Variants in MARCHF11 observed in about 807,000 individuals in gnomAD.
MARCHF11 encodes E3 ubiquitin-protein ligase MARCHF11.
Under a neutral mutation model 37.3 loss-of-function variants are expected in MARCHF11, and 29 were observed. The ratio of observed to expected loss-of-function variants is 0.78; its 90% CI spans 0.58 to 1.06. MARCHF11 has a LOEUF of 1.06. MARCHF11 is among the 50% of genes least tolerant of loss of function. The pLI, the probability that MARCHF11 is intolerant of heterozygous loss-of-function variation, is 0.00. For synonymous variants in MARCHF11, 233 were observed against 228.0 expected, an observed-to-expected ratio of 1.02 and a Z score of -0.20; for missense variants, 482 against 533.4, an observed-to-expected ratio of 0.90 and a Z score of 0.95.
At position 16,165,629 on chromosome 5, in the gene MARCHF11, C is replaced by T. The variant is rs151007814; in HGVS notation, c.693+12097G>A. Among the ~76,000 whole-genome samples the T allele has an allele frequency of 1.7e-3, 261 of 152,094 alleles. 3 individuals are homozygous for T. The highest frequency in any genetic ancestry group is 0.014 in the South Asian group (67 of 4,816). On this transcript the variant is annotated intron_variant, in intron 2 of 3. Coordinates refer to ENST00000332432, the MANE Select transcript of MARCHF11 (RefSeq NM_001102562.3). Reference sequence around the variant, plus strand: ...TTGGTTTTGTCTGATGTTTTTCTCACGGTTAGACTATAGTTACGGGTTTTA... The same window carrying T: ...TTGGTTTTGTCTGATGTTTTTCTCATGGTTAGACTATAGTTACGGGTTTTA...
chr5:16,174,129 T>C (rs536826999), intron 2 of MARCHF11, among the ~76,000 whole-genome samples: 2 of 152,248 alleles, frequency 1.3e-5, no homozygotes, highest in Non-Finnish European at 2.9e-5. Flanking sequence ...GCTTAATTAA[T>C]GTATAATGCT....
chr5:16,102,831 A>C (rs1736980726), intron 2 of MARCHF11, among the ~76,000 whole-genome samples: 1 of 152,172 alleles, frequency 6.6e-6, no homozygotes, highest in Non-Finnish European at 1.5e-5. Context: ...CAGGACCCAA[A>C]GGCACTTGCC....
chr5:16,177,907 A>C (rs528346720), intron 1 of MARCHF11, 26 bp from the exon 2 acceptor site: 1 of 1,584,036 alleles, frequency 6.3e-7, no homozygotes, highest in Non-Finnish European at 8.6e-7. Flanking sequence ...CTCAGTGTGA[A>C]TATCTGTGTC....
intron 2 of MARCHF11, among the ~76,000 whole-genome samples, chr5:16,131,600 A>G (rs1305322554): frequency 6.6e-6 from 1 of 152,080 alleles, no homozygotes; most frequent in Non-Finnish European, 1.5e-5. Flanking sequence ...TGGGTATGAG[A>G]CCTGTCTTTC....
At chr5:16,098,336 A>G (rs918488527) in intron 2 of MARCHF11, among the ~76,000 whole-genome samples, 9 of 152,352 alleles carry the variant, frequency 5.9e-5, no homozygotes, top group Admixed American at 1.3e-4. Context: ...ACAAAAAGAG[A>G]AAAGTATAAA....
chr5:16,129,053 G>A (rs1298422741), intron 2 of MARCHF11: 1 of 152,128 alleles, frequency 6.6e-6, no homozygotes, highest in Admixed American at 6.6e-5. Context: ...CCCTTGATTA[G>A]TGAGGGTTGG....
At chr5:16,143,233 C>T (rs1737747333) in intron 2 of MARCHF11, among the ~76,000 whole-genome samples, 4 of 152,208 alleles carry the variant, frequency 2.6e-5, no homozygotes, top group Non-Finnish European at 5.9e-5. Flanking sequence ...AAAATAGCCT[C>T]GTATAGAGTC....
intron 2 of MARCHF11, among the ~76,000 whole-genome samples, chr5:16,135,008 A>T (rs1579403258): frequency 2.0e-5 from 3 of 149,942 alleles, no homozygotes; most frequent in African/African-American, 7.6e-5. Flanking sequence ...TCACACACAC[A>T]CACACACACA....
chr5:16,132,507 G>A (rs958698496), intron 2 of MARCHF11, among the ~76,000 whole-genome samples: 5 of 152,182 alleles, frequency 3.3e-5, no homozygotes, highest in Admixed American at 6.5e-5. Flanking sequence ...CGGACCTCTA[G>A]TTGTTGAAAG....
In MARCHF11 at chr5:16,179,460, G is replaced by C. The variant is rs993163799; in HGVS notation, c.116C>G (p.Pro39Arg). 1.3e-5 allele frequency: 15 copies of C among 1,122,950 alleles called. No homozygotes were observed. Among genetic ancestry groups the C allele is most frequent in the African/African-American group, 1.2e-4 (7 of 60,226 alleles). The allele number at this position is 1,122,950 out of a possible 1,614,324, so 69.6% of individuals were successfully genotyped here. ...PPPPTPPPGE[P>R]APVPAAPRYL... Reference sequence around the variant, plus strand: ...GCGCGGGGCCGCGGGGACCGGGGCCGGCTCTCCCGGCGGCGGCGTCGGCGG... The same window carrying C: ...GCGCGGGGCCGCGGGGACCGGGGCCCGCTCTCCCGGCGGCGGCGTCGGCGG... Residue 39 changes from proline to arginine, a missense_variant, in exon 1 of 4, where the codon CCG (proline) becomes CGG (arginine). Coordinates refer to ENST00000332432, the MANE Select transcript of MARCHF11 (RefSeq NM_001102562.3).
chr5:16,128,168 T>C (rs1373145725), intron 2 of MARCHF11, among the ~76,000 whole-genome samples: 1 of 152,110 alleles, frequency 6.6e-6, no homozygotes, highest in Non-Finnish European at 1.5e-5. Context: ...TGTATTTTTA[T>C]TGAAATTTCA....
intron 2 of MARCHF11, among the ~76,000 whole-genome samples, chr5:16,145,625 G>A (rs911943119): frequency 6.6e-6 from 1 of 152,106 alleles, no homozygotes; most frequent in African/African-American, 2.4e-5. Context: ...ATATATGTAT[G>A]CTATATAATA....
intron 2 of MARCHF11, among the ~76,000 whole-genome samples, chr5:16,159,028 T>C (rs1421093829): frequency 6.6e-6 from 1 of 151,924 alleles, no homozygotes; most frequent in Non-Finnish European, 1.5e-5. Context: ...TAGCTCAATT[T>C]AGCCATTCCA....
chr5:16,116,038 A>G (rs1405258030), intron 2 of MARCHF11, among the ~76,000 whole-genome samples: 1 of 152,168 alleles, frequency 6.6e-6, no homozygotes, highest in African/African-American at 2.4e-5. Context: ...TGAGATGGCA[A>G]ACGTTTAGTG....
rs150783243 is a variant in MARCHF11 at position 16,154,274 on chromosome 5, C to T, written c.693+23452G>A. Reference sequence around the variant, plus strand: ...AGAATTCTGTAAGGAGTAATGTGAGCCATACTGGACAATCCAATTAAACTC... The same window carrying T: ...AGAATTCTGTAAGGAGTAATGTGAGTCATACTGGACAATCCAATTAAACTC... On this transcript the variant is annotated intron_variant, in intron 2 of 3. Transcript: ENST00000332432. Among the ~76,000 whole-genome samples the T allele has an allele frequency of 4.9e-3, 747 of 151,972 alleles. 7 individuals are homozygous for T. Among genetic ancestry groups the T allele is most frequent in the African/African-American group, 0.017 (703 of 41,478 alleles).
At chr5:16,070,582 A>G (rs555398740) in intron 3 of MARCHF11, among the ~76,000 whole-genome samples, 7 of 152,298 alleles carry the variant, frequency 4.6e-5, no homozygotes, top group Admixed American at 2.0e-4. Context: ...TTCCTTTGCA[A>G]GGCCAGAAAT....
intron 2 of MARCHF11, among the ~76,000 whole-genome samples, chr5:16,115,343 CT>C: frequency 6.6e-6 from 1 of 152,190 alleles, no homozygotes; most frequent in East Asian, 1.9e-4. Context: ...TGGGTGCTGG[CT>C]TCCTTCTCAG....
At chr5:16,112,808 C>T (rs1737168635) in intron 2 of MARCHF11, among the ~76,000 whole-genome samples, 1 of 152,076 alleles carries the variant, frequency 6.6e-6, no homozygotes, top group Non-Finnish European at 1.5e-5. Context: ...GTGGGAAGGA[C>T]TTGGTGGGAG....
At chr5:16,169,247 G>A (rs547560947) in intron 2 of MARCHF11, among the ~76,000 whole-genome samples, 1 of 151,906 alleles carries the variant, frequency 6.6e-6, no homozygotes, top group Non-Finnish European at 1.5e-5. Context: ...ATAAGGGCTG[G>A]ATACTTATGG....
Sources: gnomAD v4.1 joint callset for allele counts (sites outside exome capture counted in the v4.1 genomes callset) on GRCh38, gnomAD v4.1.1 for gene constraint, MANE v1.5 for transcripts, NCBI Gene and HGNC (gene_info 2026-07-23, HGNC 2026-07-21) for gene names.